Variants in MACROD2 observed in about 807,000 individuals in gnomAD.
MACROD2 encodes the protein ADP-ribose glycohydrolase MACROD2.
A neutral mutation model predicts 70.4 loss-of-function variants in MACROD2; 36 were observed. That is an observed-to-expected ratio of 0.51 (90% CI 0.39 to 0.68). The LOEUF (loss-of-function observed/expected upper bound fraction) is 0.68, where lower values mean the gene tolerates loss of function less well. Among genes scored for constraint, MACROD2 ranks in the 30% least tolerant of loss-of-function variants. MACROD2 has a pLI of 0.00. For missense variants in MACROD2, 496 were observed against 538.4 expected (o/e 0.92, Z 0.78); for synonymous variants, 172 against 178.8 (o/e 0.96, Z 0.30).
At chr20:15,543,567 G>A (rs1218941900) in intron 8 of MACROD2, among the ~76,000 whole-genome samples, 2 of 151,666 alleles carry the variant, frequency 1.3e-5, no homozygotes, top group African/African-American at 4.9e-5. Flanking sequence ...TTTAGAAATG[G>A]TTTCCTTCCA....
At chr20:15,242,771 A>T (rs1053992634) in intron 6 of MACROD2, among the ~76,000 whole-genome samples, 2 of 152,210 alleles carry the variant, frequency 1.3e-5, no homozygotes, top group Non-Finnish European at 2.9e-5. Flanking sequence ...TAAATTAAAA[A>T]TATTTGCTTA....
At position 15,661,909 on chromosome 20, in the gene MACROD2, A is replaced by G. The variant is rs146541419; in HGVS notation, c.645+162062A>G. ...TAACTCATGAGCCATTGTTATGAAT[A>G]TGGTTGCATTATTAAGCCCTTTACG... On this transcript the variant is annotated intron_variant, in intron 8 of 17. Transcript: ENST00000684519. Among the ~76,000 whole-genome samples, 3 of 152,306 alleles carry G rather than the reference A, an allele frequency of 2.0e-5. No individual in the cohort carries two copies. The East Asian group carries it at 5.8e-4, about 29-fold the overall frequency.
intron 5 of MACROD2, among the ~76,000 whole-genome samples, chr20:14,816,451 A>G (rs1224662627): frequency 6.6e-6 from 1 of 152,078 alleles, no homozygotes; most frequent in Non-Finnish European, 1.5e-5. Context: ...AAGACAAATT[A>G]CAGAAGACCT....
At chr20:15,579,234 G>C (rs925007022) in intron 8 of MACROD2, among the ~76,000 whole-genome samples, 1 of 152,080 alleles carries the variant, frequency 6.6e-6, no homozygotes, top group Non-Finnish European at 1.5e-5. Context: ...TGAGTTATTG[G>C]GAGCCTCAGA....
chr20:14,161,191 C>CTT lies in MACROD2; in HGVS notation c.271+75477_271+75478dup, dbSNP rs376789442. ...TGATTTCATTCTTTTTTTTCTTTTTCTTTTTTTTTTTTTTTGAGATAGAGT... is the reference window on the plus strand; with the variant it reads ...TGATTTCATTCTTTTTTTTCTTTTTCTTTTTTTTTTTTTTTTTGAGATAGAGT... On this transcript the variant is annotated intron_variant, in intron 3 of 17. Transcript: ENST00000684519. Among the ~76,000 whole-genome samples the CTT allele has an allele frequency of 3.1e-3, 424 of 136,892 alleles. 1 individual carries two copies. The highest frequency in any genetic ancestry group is 9.6e-3 in the African/African-American group (354 of 36,962). The allele number at this position is 136,892 out of a possible 152,430, so 89.8% of individuals were successfully genotyped here. A position where few individuals can be genotyped will look rare whatever the true frequency, so the allele number is the denominator to read the frequency against.
chr20:15,644,738 G>A (rs530609715), intron 8 of MACROD2, among the ~76,000 whole-genome samples: 18 of 152,310 alleles, frequency 1.2e-4, no homozygotes, highest in African/African-American at 4.3e-4. Flanking sequence ...TGCCTAGGCT[G>A]GAGTACAATG....
At chr20:15,206,872 G>A (rs1389261464) in intron 5 of MACROD2, among the ~76,000 whole-genome samples, 4 of 151,174 alleles carry the variant, frequency 2.6e-5, no homozygotes, top group East Asian at 3.9e-4. Flanking sequence ...GAGTAGCTGG[G>A]ACTACAGGCG....
chr20:13,997,274 T>C (rs570191422), intron 1 of MACROD2, among the ~76,000 whole-genome samples: 6 of 152,246 alleles, frequency 3.9e-5, no homozygotes, highest in South Asian at 2.1e-4. Flanking sequence ...GATAAAGTAG[T>C]GTAAAATAAT....
intron 3 of MACROD2, among the ~76,000 whole-genome samples, chr20:14,386,789 C>T (rs562746805): frequency 5.9e-5 from 9 of 152,260 alleles, no homozygotes; most frequent in African/African-American, 1.9e-4. Flanking sequence ...TACCCAGTAT[C>T]GGGTGTTTCT....
rs1243216423 is a variant in MACROD2, at chr20:15,087,964, G to A, written c.419-141976G>A. On this transcript the variant is annotated intron_variant, in intron 5 of 17. Coordinates refer to ENST00000684519, the MANE Select transcript of MACROD2 (RefSeq NM_001351661.2). ...TTCAAATAAAAACAATAATGAAATT[G>A]TGTTCTTCATTCATAAATTGGGAAA... is the stretch of plus-strand genomic sequence containing the variant. Among the ~76,000 whole-genome samples the A allele has an allele frequency of 4.6e-5, 7 of 151,962 alleles. No individual in the cohort carries two copies. In the South Asian group the frequency reaches 8.3e-4, roughly 18 times the overall value.
intron 3 of MACROD2, among the ~76,000 whole-genome samples, chr20:14,360,169 C>T (rs2083208363): frequency 6.6e-6 from 1 of 151,816 alleles, no homozygotes. Context: ...TTCAGTTAGG[C>T]GTGAGGAATA....
intron 3 of MACROD2, among the ~76,000 whole-genome samples, chr20:14,283,491 G>A (rs1002577924): frequency 3.3e-5 from 5 of 152,128 alleles, no homozygotes; most frequent in Non-Finnish European, 5.9e-5. Context: ...TTCTCCAAGA[G>A]TGCCTTGGTT....
intron 15 of MACROD2, among the ~76,000 whole-genome samples, chr20:16,038,441 C>T (rs1210314676): frequency 1.3e-5 from 2 of 151,708 alleles, no homozygotes; most frequent in Non-Finnish European, 2.9e-5. Flanking sequence ...GTATCTTTTT[C>T]CGACCTAGCT....
chr20:14,976,778 G>A (rs2074743487), intron 5 of MACROD2, among the ~76,000 whole-genome samples: 2 of 152,052 alleles, frequency 1.3e-5, no homozygotes, highest in Admixed American at 6.6e-5. Flanking sequence ...CCCTTGCTGT[G>A]GTCCCATTTC....
intron 5 of MACROD2, among the ~76,000 whole-genome samples, chr20:14,794,330 G>A (rs1568799732): frequency 6.6e-6 from 1 of 152,058 alleles, no homozygotes; most frequent in Admixed American, 6.6e-5. Context: ...CTTCTCAAAA[G>A]ACTTCTGTTG....
At chr20:15,826,122 A>C (rs1035409498) in intron 8 of MACROD2, among the ~76,000 whole-genome samples, 3 of 152,252 alleles carry the variant, frequency 2.0e-5, no homozygotes, top group Non-Finnish European at 2.9e-5. Context: ...AACTTTGATC[A>C]TAAAGAGAAG....
intron 3 of MACROD2, among the ~76,000 whole-genome samples, chr20:14,319,627 C>A (rs1217382543): frequency 2.0e-5 from 3 of 152,144 alleles, no homozygotes; most frequent in Non-Finnish European, 4.4e-5. Flanking sequence ...TTTCATAATC[C>A]CCAAGGGTCA....
chr20:15,427,792 T>C (rs551546193), intron 6 of MACROD2, among the ~76,000 whole-genome samples: 1 of 152,320 alleles, frequency 6.6e-6, no homozygotes, highest in African/African-American at 2.4e-5. Context: ...TTGAAAATGT[T>C]GATAGTTGAA....
At chr20:14,327,393 A>T in intron 3 of MACROD2, 1 of 1,613,726 alleles carries the variant, frequency 6.2e-7, no homozygotes, top group South Asian at 1.1e-5. Flanking sequence ...TGAAACCCGC[A>T]TCGCAGCGAC....
Sources: gnomAD v4.1 joint callset for allele counts (sites outside exome capture counted in the v4.1 genomes callset) on GRCh38, gnomAD v4.1.1 for gene constraint, MANE v1.5 for transcripts, NCBI Gene and HGNC (gene_info 2026-07-23, HGNC 2026-07-21) for gene names.